HDAC5: variants seen among roughly 807,000 people sequenced by gnomAD.
The protein encoded by HDAC5 is histone deacetylase 5, also known as antigen NY-CO-9.
In HDAC5, 25 loss-of-function variants were observed where a neutral mutation model predicts 133.3. The observed-to-expected ratio is 0.19, with a 90% CI of 0.14 to 0.26. The LOEUF (loss-of-function observed/expected upper bound fraction) is 0.26, where lower values mean the gene tolerates loss of function less well. Ranked by LOEUF, HDAC5 falls within the 10% of genes least tolerant of loss-of-function variation. The pLI, the probability that HDAC5 is intolerant of heterozygous loss-of-function variation, is 1.00. For missense variants in HDAC5, 1,041 were observed against 1,460.5 expected, an observed-to-expected ratio of 0.71 and a Z score of 4.68; for synonymous variants, 589 against 610.8, an observed-to-expected ratio of 0.96 and a Z score of 0.53.
chr17:44,087,819 A>AAAAAGGTGAG, intron 12 of HDAC5, 123 bp from the exon 13 acceptor site: 1 of 1,250,846 alleles, frequency 8.0e-7, no homozygotes, highest in Non-Finnish European at 1.1e-6. Flanking sequence ...TGTGAATTAG[A>AAAAAGGTGAG]AAAAGGTGAG....
At position 44,093,714 on chromosome 17, in the gene HDAC5, C is replaced by T. The variant is rs781265407; in HGVS notation, c.215G>A (p.Arg72Gln). The change falls in exon 4 of 27, where the codon CGG becomes CAG. Residue 72 changes from arginine (R) to glutamine (Q), a missense_variant. Coordinates refer to ENST00000682912, the MANE Select transcript of HDAC5 (RefSeq NM_005474.5). ...GAGCTCCTGCTGCAGTTGCTGCTCCCGCAGTGTGGGGTCCACAGAGCCCAC... is the reference window on the plus strand; with the variant it reads ...GAGCTCCTGCTGCAGTTGCTGCTCCTGCAGTGTGGGGTCCACAGAGCCCAC... ...ALVGSVDPTLREQQLQQELLA... is the reference protein window; with the variant it reads ...ALVGSVDPTLQEQQLQQELLA... The T allele has an allele frequency of 4.4e-6, 7 of 1,605,130 alleles. No individual in the cohort carries two copies. Among genetic ancestry groups the T allele is most frequent in the South Asian group, 2.2e-5 (2 of 89,716 alleles).
At chr17:44,083,784 A>G (rs754608655) in intron 17 of HDAC5, 21 bp downstream of exon 17, 1 of 908,142 alleles carries the variant, frequency 1.1e-6, no homozygotes, top group Non-Finnish European at 1.7e-6. Context: ...GCCCACCCCC[A>G]CTGCTGTACG....
At chr17:44,081,607 C>A (rs1336812704) in intron 20 of HDAC5, 3 of 132,260 alleles carry the variant, frequency 2.3e-5, no homozygotes, top group Non-Finnish European at 4.7e-5. Flanking sequence ...GAGACAGAAT[C>A]TCACTCTGTC....
At position 44,077,066 on chromosome 17, in the gene HDAC5, G is replaced by A. The variant is rs1029797190; in HGVS notation, c.*1310C>T. The A allele has an allele frequency of 1.3e-5, 2 of 152,822 alleles. No homozygotes were observed. The highest frequency in any genetic ancestry group is 2.9e-5 in the Non-Finnish European group (2 of 68,206). The allele number at this position is 152,822 out of a possible 1,614,324, so 9.5% of individuals were successfully genotyped here. ...CTCAATCCTGCTCAGGCCCCCATAG[G>A]ATAATAAATATGTAAACAGATTGGT... On this transcript the variant is annotated 3_prime_UTR_variant, in exon 27 of 27. Coordinates refer to ENST00000682912, the MANE Select transcript of HDAC5 (RefSeq NM_005474.5).
chr17:44,087,350 G>A, intron 13 of HDAC5, 62 bp downstream of exon 13: 2 of 714,132 alleles, frequency 2.8e-6, no homozygotes, highest in Non-Finnish European at 5.2e-6. Context: ...CAAGGGCAGA[G>A]GCAGGGGTGG....
At chr17:44,095,272 G>A (rs912386588) in intron 3 of HDAC5, among the ~76,000 whole-genome samples, 1 of 152,166 alleles carries the variant, frequency 6.6e-6, no homozygotes, top group Admixed American at 6.5e-5. Flanking sequence ...CCAATAACTA[G>A]AATATGAGTC....
Position 44,093,671 on chromosome 17 carries a change from C to A in HDAC5, c.258G>T (p.Gln86His). Residue 86 changes from glutamine (Q) to histidine (H), a missense_variant, in exon 4 of 27, where the codon CAG (glutamine) becomes CAT (histidine). Physicochemically the swap from Gln to His is conservative, Grantham distance 24. Around this residue, in one of 9 missense-constraint regions of HDAC5, gnomAD observed 109 missense variants for 168.0 expected, o/e 0.65. Coordinates refer to ENST00000682912, the MANE Select transcript of HDAC5 (RefSeq NM_005474.5). ...ACAGGAGCTGCTTCTGCAGCTGCTG[C>A]TGCTGCTTGAGCGCCAGGAGCTCCT... ...LQQELLALKQ[Q>H]QQLQKQLLFA... 9 of 1,611,636 alleles carry A rather than the reference C, an allele frequency of 5.6e-6. No homozygotes were observed. Among genetic ancestry groups the A allele is most frequent in the Non-Finnish European group, 7.6e-6 (9 of 1,179,236 alleles).
At position 44,092,997 on chromosome 17, in the gene HDAC5, A is replaced by G. The variant is rs931819791; in HGVS notation, c.641+95T>C. The G allele has an allele frequency of 4.1e-5, 36 of 867,606 alleles. No homozygotes were observed. In the African/African-American group the frequency reaches 5.4e-4, roughly 13 times the overall value. 53.7% of individuals were successfully genotyped at this position (867,606 alleles called of 1,614,324 possible). A position where few individuals can be genotyped will look rare whatever the true frequency, so the allele number is the denominator to read the frequency against. On this transcript the variant is annotated intron_variant, in intron 6 of 26. Transcript: ENST00000682912. ...TCTAAGGAGAGATTGCAGGGCCCGT[A>G]TATGGGCACGGGGAAGAAGCCCCTT...
At chr17:44,080,354 G>A in intron 22 of HDAC5, 47 bp downstream of exon 22, 1 of 1,580,442 alleles carries the variant, frequency 6.3e-7, no homozygotes, top group East Asian at 2.2e-5. Context: ...CCACTGCAGG[G>A]CCCAGAGGGG....
At chr17:44,080,560 G>A (rs1342868949) in intron 21 of HDAC5, 62 bp from the exon 22 acceptor site, 1 of 1,550,840 alleles carries the variant, frequency 6.4e-7, no homozygotes, top group African/African-American at 1.4e-5. Flanking sequence ...CATTGCCCCT[G>A]CCCTCACCCC....
rs753647617 is a variant in HDAC5, at chr17:44,091,763, A to G, written c.1101T>C (p.Pro367=). ...GCCCTAGGGAGATGTTGGGCAGAGA[A>G]GGAGACGTGTAGAGGCTGAACTGGT... The part of the protein sequence containing the change: ...SPNQFSLYTS[P]SLPNISLGLQ... The change falls in exon 10 of 27, where the codon CCT becomes CCC. Residue 367 remains proline, a synonymous_variant. Transcript: ENST00000682912. 4.7e-5 allele frequency: 76 copies of G among 1,602,742 alleles called. No homozygotes were observed. The highest frequency in any genetic ancestry group is 5.9e-5 in the Non-Finnish European group (69 of 1,174,588).
intron 24 of HDAC5, 106 bp downstream of exon 24, chr17:44,079,038 T>A (rs1320640835): frequency 1.3e-6 from 2 of 1,532,644 alleles, no homozygotes; most frequent in Non-Finnish European, 1.8e-6. Flanking sequence ...TAGCTGTTCC[T>A]TAGGACCAAG....
Position 44,091,473 on chromosome 17 carries a change from G to A in HDAC5, c.1184C>T (p.Thr395Ile). The part of the protein sequence containing the change: ...SHLTASPKLS[T>I]QQEAERQALQ... Reference sequence around the variant, plus strand: ...GGCCTGCCTCTCGGCCTCCTGCTGTGTCGACAGCTTCGGGGAGGCCTGGGG... The same window carrying A: ...GGCCTGCCTCTCGGCCTCCTGCTGTATCGACAGCTTCGGGGAGGCCTGGGG... Residue 395 changes from threonine to isoleucine, a missense_variant, in exon 11 of 27, where the codon ACA (threonine) becomes ATA (isoleucine). By Grantham distance (89) the Thr-to-Ile change is moderately conservative. Coordinates refer to ENST00000682912, the MANE Select transcript of HDAC5 (RefSeq NM_005474.5). 3.9e-6 allele frequency: 6 copies of A among 1,545,640 alleles called. No homozygotes were observed. Among genetic ancestry groups the A allele is most frequent in the Non-Finnish European group, 5.2e-6 (6 of 1,148,970 alleles).
chr17:44,093,913 C>T (rs574367601), intron 3 of HDAC5, 79 bp from the exon 4 acceptor site: 41 of 1,423,602 alleles, frequency 2.9e-5, no homozygotes, highest in Middle Eastern at 3.7e-4. Flanking sequence ...AAGGCTACCA[C>T]GCAGGATTCT....
At position 44,121,797 on chromosome 17, in the gene HDAC5, G is replaced by A. The variant is rs1237724951; in HGVS notation, c.-190+1707C>T. The stretch of plus-strand genomic sequence containing the variant: ...TTACATGATCCAGCCAAAGTAGGAG[G>A]ATATATTGGAAAAGAAGGGGAGGCT... On this transcript the variant is annotated intron_variant, in intron 1 of 26. Coordinates refer to ENST00000682912, the MANE Select transcript of HDAC5 (RefSeq NM_005474.5). Among the ~76,000 whole-genome samples, 5 of 152,100 alleles carry A rather than the reference G, an allele frequency of 3.3e-5. No homozygotes were observed. The East Asian group carries it at 9.7e-4, about 29-fold the overall frequency.
Position 44,086,856 on chromosome 17 carries a change from CCCCACCTCCT to C in HDAC5, c.1885-129_1885-120del. On this transcript the variant is annotated intron_variant, in intron 13 of 26. Coordinates refer to ENST00000682912, the MANE Select transcript of HDAC5 (RefSeq NM_005474.5). ...AGCCCTTTTCTTCCAAGTCTCCTTC[CCCCACCTCCT>C]CCCACTTGCTCCCTCCAGGGACAGG... 4.5e-6 allele frequency: 3 copies of C among 673,998 alleles called. No homozygotes were observed. In the East Asian group the frequency reaches 1.0e-4, roughly 23 times the overall value. 41.8% of individuals were successfully genotyped at this position (673,998 alleles called of 1,614,324 possible). A position where few individuals can be genotyped will look rare whatever the true frequency, so the allele number is the denominator to read the frequency against.
intron 12 of HDAC5, 63 bp from the exon 13 acceptor site, chr17:44,087,759 C>T: frequency 2.0e-6 from 3 of 1,494,502 alleles, no homozygotes; most frequent in Non-Finnish European, 2.7e-6. Flanking sequence ...AGCCTAAAAC[C>T]CAGAACAGTC....
intron 24 of HDAC5, 24 bp downstream of exon 24, chr17:44,079,120 T>C (rs2050258496): frequency 6.2e-7 from 1 of 1,602,692 alleles, no homozygotes; most frequent in Non-Finnish European, 8.5e-7. Context: ...GCCTGCCACC[T>C]CCCAGCTCCT....
chr17:44,089,759 A>AG lies in HDAC5; in HGVS notation c.1388-1162_1388-1161insC, dbSNP rs1192854345. Among the ~76,000 whole-genome samples, 3 of 148,802 alleles carry AG rather than the reference A, an allele frequency of 2.0e-5. No homozygotes were observed. In the East Asian group the frequency reaches 5.9e-4, roughly 29 times the overall value. ...TGAAACTTCGTCTCAAAAAAAAAAA[A>AG]AAAAAAAAAAAAAAATTAGCTGGGT... On this transcript the variant is annotated intron_variant, in intron 11 of 26. Transcript: ENST00000682912.
Sources: gnomAD v4.1 joint callset for allele counts (sites outside exome capture counted in the v4.1 genomes callset) on GRCh38, gnomAD v4.1.1 for gene constraint, gnomAD v4.1.1 regional missense constraint, MANE v1.5 for transcripts, NCBI Gene and HGNC (gene_info 2026-07-23, HGNC 2026-07-21) for gene names.